Variants in CENPP observed in about 807,000 individuals in gnomAD.
CENPP encodes centromere protein P.
CENPP carries 24 observed loss-of-function variants against 35.6 expected under a neutral mutation model. That is an observed-to-expected ratio of 0.67 (90% confidence interval 0.49 to 0.95). CENPP has a LOEUF of 0.95. Among genes scored for constraint, CENPP ranks in the 40% least tolerant of loss-of-function variants. The pLI is 0.00. For missense variants in CENPP, 332 were observed against 345.3 expected (o/e 0.96, Z 0.31); for synonymous variants, 120 against 125.5 (o/e 0.96, Z 0.29).
intron 2 of CENPP, among the ~76,000 whole-genome samples, chr9:92,334,125 T>TG (rs1297691749): frequency 6.6e-6 from 1 of 150,424 alleles, no homozygotes; most frequent in Non-Finnish European, 1.5e-5. Context: ...AGTAGGGTTT[T>TG]TTTTTTTTTT....
At chr9:92,443,261 TATA>T (rs1303088495) in intron 5 of CENPP, among the ~76,000 whole-genome samples, 3 of 152,186 alleles carry the variant, frequency 2.0e-5, no homozygotes, top group Non-Finnish European at 4.4e-5. Context: ...GACTGCTGAT[TATA>T]ATTTCAATAT....
intron 5 of CENPP, among the ~76,000 whole-genome samples, chr9:92,455,142 A>T (rs1844836601): frequency 6.6e-6 from 1 of 152,164 alleles, no homozygotes; most frequent in African/African-American, 2.4e-5. Context: ...CATGCCTGTA[A>T]TCCTAACACT....
At chr9:92,505,716 A>G in intron 5 of CENPP, 4 of 1,513,000 alleles carry the variant, frequency 2.6e-6, no homozygotes, top group Non-Finnish European at 3.6e-6. Context: ...GTATTAGAAT[A>G]TTAGGATAAT....
At chr9:92,357,587 C>T (rs530782550) in intron 4 of CENPP, among the ~76,000 whole-genome samples, 26 of 151,800 alleles carry the variant, frequency 1.7e-4, no homozygotes, top group Non-Finnish European at 2.9e-4. Flanking sequence ...CTCTGCCTCC[C>T]GGGTTCAGGT....
intron 4 of CENPP, among the ~76,000 whole-genome samples, chr9:92,378,186 T>C (rs1222976915): frequency 2.0e-5 from 3 of 152,154 alleles, no homozygotes; most frequent in African/African-American, 7.2e-5. Flanking sequence ...CTGCTTTTCT[T>C]ATTGTTGGCA....
chr9:92,618,670 A>C lies in CENPP; in HGVS notation c.*5521A>C, dbSNP rs1454900270. On this transcript the variant is annotated 3_prime_UTR_variant, in exon 8 of 8. Transcript: ENST00000375587. ...CAGGAGTTTTCAACTAAATAGAACAACCTTTTTTCTACTTCAGTTAGCCCT... is the reference window on the plus strand; with the variant it reads ...CAGGAGTTTTCAACTAAATAGAACACCCTTTTTTCTACTTCAGTTAGCCCT... 3 of 416,278 alleles carry C rather than the reference A, an allele frequency of 7.2e-6. No homozygotes were observed. Among genetic ancestry groups the C allele is most frequent in the Non-Finnish European group, 1.5e-5 (3 of 205,986 alleles). 25.8% of individuals were successfully genotyped at this position (416,278 alleles called of 1,614,324 possible).
intron 5 of CENPP, among the ~76,000 whole-genome samples, chr9:92,524,830 A>G (rs559796906): frequency 6.6e-5 from 10 of 152,362 alleles, no homozygotes; most frequent in East Asian, 1.9e-4. Context: ...ATTTATTTCA[A>G]TTCTCACAGG....
chr9:92,605,136 A>C (rs1018567284), intron 5 of CENPP, among the ~76,000 whole-genome samples: 1 of 151,624 alleles, frequency 6.6e-6, no homozygotes, highest in African/African-American at 2.4e-5. Flanking sequence ...ACACACCACC[A>C]CACCTGGCTA....
chr9:92,522,614 T>C, intron 5 of CENPP: 1 of 1,613,770 alleles, frequency 6.2e-7, no homozygotes, highest in East Asian at 2.2e-5. Flanking sequence ...CCAGGAAAAC[T>C]TGAAAAGGAT....
At chr9:92,377,293 C>T (rs1366731792) in intron 4 of CENPP, among the ~76,000 whole-genome samples, 1 of 152,178 alleles carries the variant, frequency 6.6e-6, no homozygotes, top group Non-Finnish European at 1.5e-5. Flanking sequence ...GCTCCTGTAT[C>T]AATTGCAAGA....
intron 4 of CENPP, among the ~76,000 whole-genome samples, chr9:92,351,475 CAA>C (rs34297687): frequency 1.2e-3 from 160 of 132,578 alleles, no homozygotes; most frequent in African/African-American, 2.6e-3. Context: ...GAGACTATCT[CAA>C]AAAAAAAAAA....
chr9:92,567,944 G>C (rs1347720780), intron 5 of CENPP, among the ~76,000 whole-genome samples: 2 of 152,008 alleles, frequency 1.3e-5, no homozygotes, highest in Admixed American at 6.6e-5. Context: ...GGACAAAATA[G>C]ATATAAGGAA....
intron 6 of CENPP, 46 bp downstream of exon 6, chr9:92,611,439 A>C (rs1475371053): frequency 2.7e-6 from 4 of 1,492,794 alleles, no homozygotes; most frequent in Non-Finnish European, 3.7e-6. Flanking sequence ...TGTTCAAACA[A>C]GGATTCCAAG....
intron 5 of CENPP, among the ~76,000 whole-genome samples, chr9:92,413,935 T>C (rs1044736232): frequency 3.9e-5 from 6 of 152,218 alleles, no homozygotes; most frequent in African/African-American, 1.4e-4. Context: ...AAACTATTTC[T>C]GAAGTATAGT....
chr9:92,437,237 TA>T (rs1844267190), intron 5 of CENPP, among the ~76,000 whole-genome samples: 1 of 152,144 alleles, frequency 6.6e-6, no homozygotes, highest in Non-Finnish European at 1.5e-5. Flanking sequence ...GGGATTTTGG[TA>T]GGAATTACAT....
intron 5 of CENPP, among the ~76,000 whole-genome samples, chr9:92,502,162 T>A (rs112262891): frequency 0.039 from 5,875 of 152,256 alleles, 144 homozygotes; most frequent in Middle Eastern, 0.075. Flanking sequence ...TAGACAGAGC[T>A]AGAGTGGCAT....
chr9:92,449,677 T>A (rs1844652322), intron 5 of CENPP, among the ~76,000 whole-genome samples: 1 of 151,906 alleles, frequency 6.6e-6, no homozygotes, highest in Non-Finnish European at 1.5e-5. Context: ...TGGGGGCGGA[T>A]TTTCCCCTTG....
intron 5 of CENPP, among the ~76,000 whole-genome samples, chr9:92,398,929 G>A (rs577005364): frequency 1.3e-5 from 2 of 152,158 alleles, no homozygotes; most frequent in South Asian, 4.1e-4. Context: ...TGGCGTGGTG[G>A]CGCGTGCCTG....
intron 5 of CENPP, among the ~76,000 whole-genome samples, chr9:92,413,576 A>G (rs1843504632): frequency 6.6e-6 from 1 of 152,148 alleles, no homozygotes; most frequent in Non-Finnish European, 1.5e-5. Context: ...TAATGTTTGA[A>G]TTTATATCCT....
Sources: allele counts gnomAD v4.1 joint callset (sites outside exome capture counted in the v4.1 genomes callset), GRCh38; gene constraint gnomAD v4.1.1; transcripts MANE v1.5; gene names NCBI Gene and HGNC (gene_info 2026-07-23, HGNC 2026-07-21).